Variants in ZNF512 observed in about 807,000 individuals in gnomAD.
The protein encoded by ZNF512 is zinc finger protein 512.
In ZNF512, 25 loss-of-function variants were observed where a neutral mutation model predicts 77.5. That is an observed-to-expected ratio of 0.32 (90% CI 0.23 to 0.45). The LOEUF is 0.45. ZNF512 is among the 20% of genes least tolerant of loss of function. The pLI is 1.00. For synonymous variants in ZNF512, 246 were observed against 239.9 expected, an observed-to-expected ratio of 1.03 and a Z score of -0.24; for missense variants, 483 against 692.6, an observed-to-expected ratio of 0.70 and a Z score of 3.40.
chr2:27,614,507 A>G (rs1672797382), intron 10 of ZNF512, among the ~76,000 whole-genome samples: 1 of 152,202 alleles, frequency 6.6e-6, no homozygotes, highest in South Asian at 2.1e-4. Context: ...TTAGAAATGC[A>G]GATAAATAGG....
intron 9 of ZNF512, among the ~76,000 whole-genome samples, chr2:27,607,544 T>G (rs1672426391): frequency 6.6e-6 from 1 of 152,138 alleles, no homozygotes. Context: ...ATTTTTATGT[T>G]TTTAGTAGAG....
At chr2:27,583,348 A>T (rs767650439) in intron 1 of ZNF512, 1 of 1,300,400 alleles carries the variant, frequency 7.7e-7, no homozygotes, top group African/African-American at 1.5e-5. Flanking sequence ...TCCTCGCCAC[A>T]TTACCATTAG....
chr2:27,590,336 T>TGG lies in ZNF512; in HGVS notation c.89+6621_89+6622insGG, dbSNP rs539181291. Among the ~76,000 whole-genome samples, 831 of 152,354 alleles carry TGG rather than the reference T, an allele frequency of 5.5e-3. 4 individuals are homozygous for TGG. Among genetic ancestry groups the TGG allele is most frequent in the African/African-American group, 0.019 (799 of 41,576 alleles). ...TTATCTCTGGCAGTACTCTTTGTCT[T>TGG]GAAGTCTGTTTTATCTGATATTAAA... On this transcript the variant is annotated intron_variant, in intron 2 of 13. Coordinates refer to ENST00000355467, the MANE Select transcript of ZNF512 (RefSeq NM_032434.4).
intron 2 of ZNF512, among the ~76,000 whole-genome samples, chr2:27,584,831 G>A (rs1256841492): frequency 6.6e-6 from 1 of 152,166 alleles, no homozygotes; most frequent in Non-Finnish European, 1.5e-5. Flanking sequence ...CGTTTAGAGA[G>A]GTTAGTAGGG....
In ZNF512 at chr2:27,603,482, A is replaced by G. The variant is rs564976335; in HGVS notation, c.936+175A>G. On this transcript the variant is annotated intron_variant, in intron 9 of 13. Coordinates refer to ENST00000355467, the MANE Select transcript of ZNF512 (RefSeq NM_032434.4). ...TTGTCCTTATTTCTGCCTTTTTAACATTATTAGGTTAGATAAATCAAAATT... is the reference window on the plus strand; with the variant it reads ...TTGTCCTTATTTCTGCCTTTTTAACGTTATTAGGTTAGATAAATCAAAATT... Among the ~76,000 whole-genome samples the G allele has an allele frequency of 2.6e-5, 4 of 151,818 alleles. No individual in the cohort carries two copies. In the East Asian group the frequency reaches 7.8e-4, roughly 29 times the overall value.
At chr2:27,606,283 A>G (rs1672355513) in intron 9 of ZNF512, among the ~76,000 whole-genome samples, 1 of 91,606 alleles carries the variant, frequency 1.1e-5, no homozygotes, top group East Asian at 7.5e-4. Context: ...AAATTTTGAT[A>G]TAGTTTATGT....
At chr2:27,600,175 T>C in intron 5 of ZNF512, 122 bp downstream of exon 5, 1 of 1,099,864 alleles carries the variant, frequency 9.1e-7, no homozygotes, top group Non-Finnish European at 1.3e-6. Flanking sequence ...CTAAGGGCTC[T>C]AGTTTGGAGT....
At chr2:27,589,189 T>A (rs183802530) in intron 2 of ZNF512, among the ~76,000 whole-genome samples, 1 of 152,274 alleles carries the variant, frequency 6.6e-6, no homozygotes, top group East Asian at 1.9e-4. Context: ...TTCCTTTTGA[T>A]CTTGTTTTAA....
intron 12 of ZNF512, 66 bp downstream of exon 12, chr2:27,616,390 T>C: frequency 3.9e-6 from 5 of 1,267,232 alleles, no homozygotes; most frequent in South Asian, 3.6e-5. Context: ...GGAAGAGAAT[T>C]CAGTTTAGGT....
chr2:27,608,982 GC>G (rs1345022463), intron 10 of ZNF512, among the ~76,000 whole-genome samples: 1 of 151,846 alleles, frequency 6.6e-6, no homozygotes, highest in Non-Finnish European at 1.5e-5. Flanking sequence ...GGTGGCAGGT[GC>G]CTGTAATCCC....
chr2:27,597,984 C>G (rs1435947616), intron 2 of ZNF512, 83 bp from the exon 3 acceptor site: 2 of 1,201,588 alleles, frequency 1.7e-6, no homozygotes, highest in African/African-American at 3.0e-5. Context: ...GCAGAGGTAA[C>G]CAACTTGGTT....
At chr2:27,592,960 C>T (rs1671660061) in intron 2 of ZNF512, among the ~76,000 whole-genome samples, 1 of 151,938 alleles carries the variant, frequency 6.6e-6, no homozygotes, top group African/African-American at 2.4e-5. Context: ...GCTGGGATTA[C>T]AGGCGTGAGC....
At chr2:27,600,558 A>G (rs1672074311) in intron 5 of ZNF512, 133 bp from the exon 6 acceptor site, 1 of 1,003,532 alleles carries the variant, frequency 1.0e-6, no homozygotes, top group Admixed American at 2.6e-5. Context: ...TATACCCAGC[A>G]AGAGCCTCTT....
intron 10 of ZNF512, among the ~76,000 whole-genome samples, chr2:27,612,241 C>T (rs1672697308): frequency 6.6e-6 from 1 of 152,060 alleles, no homozygotes; most frequent in African/African-American, 2.4e-5. Context: ...TTTTGACATC[C>T]CCTATCCTTT....
Position 27,604,770 on chromosome 2 carries a change from CT to C in ZNF512, c.936+1464del, listed in dbSNP as rs1672281963. On this transcript the variant is annotated intron_variant, in intron 9 of 13. Coordinates refer to ENST00000355467, the MANE Select transcript of ZNF512 (RefSeq NM_032434.4). Reference sequence around the variant, plus strand: ...TTCCAGCCTGGGTGACAGAGTGAGACTCTGTCTCAAAACAAACAAAAAAAAG... The same window carrying C: ...TTCCAGCCTGGGTGACAGAGTGAGACCTGTCTCAAAACAAACAAAAAAAAG... Among the ~76,000 whole-genome samples the C allele has an allele frequency of 2.0e-5, 3 of 152,270 alleles. No homozygotes were observed. The South Asian group carries it at 6.2e-4, about 32-fold the overall frequency.
At chr2:27,593,044 C>A (rs1029280566) in intron 2 of ZNF512, among the ~76,000 whole-genome samples, 5 of 151,724 alleles carry the variant, frequency 3.3e-5, no homozygotes, top group Non-Finnish European at 7.4e-5. Flanking sequence ...CTCCCCTCCC[C>A]TTCCTGGCTG....
At chr2:27,585,555 A>G (rs2147998121) in intron 2 of ZNF512, among the ~76,000 whole-genome samples, 1 of 152,364 alleles carries the variant, frequency 6.6e-6, no homozygotes, top group South Asian at 2.1e-4. Flanking sequence ...GTGAGACCAG[A>G]GAAGAGTAGA....
rs374541949 is a variant in ZNF512 at position 27,599,663 on chromosome 2, A to C, written c.358A>C (p.Lys120Gln). Residue 120 changes from lysine (K) to glutamine (Q), a missense_variant, in exon 4 of 14, where the codon AAG (lysine) becomes CAG (glutamine). Physicochemically the swap from Lys to Gln is moderately conservative, Grantham distance 53. This residue lies in a region of ZNF512 where 159 missense variants were observed against 167.5 expected (regional missense o/e 0.95). Coordinates refer to ENST00000355467, the MANE Select transcript of ZNF512 (RefSeq NM_032434.4). The part of the protein sequence containing the change: ...DEDYREFPQK[K>Q]HKLYGRKQRP... Reference sequence around the variant, plus strand: ...AGACTATCGAGAATTTCCTCAGAAGAAGCATAAGCTTTATGGTAAGGCAGT... The same window carrying C: ...AGACTATCGAGAATTTCCTCAGAAGCAGCATAAGCTTTATGGTAAGGCAGT... 1 of 1,614,138 alleles carries C rather than the reference A, an allele frequency of 6.2e-7. No individual in the cohort carries two copies. The highest frequency in any genetic ancestry group is 8.5e-7 in the Non-Finnish European group (1 of 1,179,952).
At chr2:27,587,959 T>C (rs1487421109) in intron 2 of ZNF512, among the ~76,000 whole-genome samples, 1 of 152,100 alleles carries the variant, frequency 6.6e-6, no homozygotes, top group Non-Finnish European at 1.5e-5. Flanking sequence ...GGATTAACGG[T>C]GTGAGCCACC....
Sources: gnomAD v4.1 joint callset for allele counts (sites outside exome capture counted in the v4.1 genomes callset) on GRCh38, gnomAD v4.1.1 for gene constraint, gnomAD v4.1.1 regional missense constraint, MANE v1.5 for transcripts, NCBI Gene and HGNC (gene_info 2026-07-23, HGNC 2026-07-21) for gene names.